PLAGL1: variants seen among roughly 807,000 people sequenced by gnomAD.
The protein encoded by PLAGL1 is PLAG1 like zinc finger 1, also known as zinc finger protein PLAGL1.
PLAGL1 carries 1 observed loss-of-function variant against 4.6 expected under a neutral mutation model. That is an observed-to-expected ratio of 0.22 (90% CI 0.08 to 1.03). The LOEUF (loss-of-function observed/expected upper bound fraction) is 1.03. Ranked by LOEUF, PLAGL1 falls within the 50% of genes least tolerant of loss-of-function variation. The probability of loss-of-function intolerance (pLI) is 0.58; values close to 1 mark genes in which losing one functional copy is unlikely to be tolerated. For synonymous variants in PLAGL1, 240 were observed against 237.8 expected (o/e 1.01, Z -0.08); for missense variants, 464 against 570.4 (o/e 0.81, Z 1.90).
rs899572810 is a variant in PLAGL1 at position 143,994,144 on chromosome 6, C to G, written c.-583-8970G>C. Reference sequence around the variant, plus strand: ...CCTAATCAAGAAGCATTTTACTCTCCAGGTTTTGAAGGATTTCAAAATTGT... The same window carrying G: ...CCTAATCAAGAAGCATTTTACTCTCGAGGTTTTGAAGGATTTCAAAATTGT... On this transcript the variant is annotated intron_variant, in intron 1 of 7. Coordinates refer to ENST00000674357, the MANE Select transcript of PLAGL1 (RefSeq NM_001317162.2). The surrounding 1 kb of genome is among the most constrained non-coding windows in gnomAD (Gnocchi z 4.3). Among the ~76,000 whole-genome samples the G allele has an allele frequency of 6.6e-6, 1 of 152,110 alleles. No individual in the cohort carries two copies. Among genetic ancestry groups the G allele is most frequent in the Non-Finnish European group, 1.5e-5 (1 of 68,022 alleles).
At chr6:144,058,031 T>C (rs1172934058) in intron 1 of PLAGL1, among the ~76,000 whole-genome samples, 1 of 152,246 alleles carries the variant, frequency 6.6e-6, no homozygotes, top group East Asian at 1.9e-4. Flanking sequence ...TCATTTGTGC[T>C]AGGCCATCTT....
upstream of PLAGL1, among the ~76,000 whole-genome samples, chr6:144,013,051 CCCAAGGGTTG>C: frequency 6.6e-6 from 1 of 152,172 alleles, no homozygotes; most frequent in East Asian, 1.9e-4. This position sits in a 1 kb window ranked among gnomAD's most constrained non-coding sequence, Gnocchi z 4.4. Context: ...TCAAACTGGA[CCCAAGGGTTG>C]CCAGCGTGGT....
In PLAGL1 at chr6:144,025,610, A is replaced by C. The variant is rs556437033; in HGVS notation, c.-151+38858T>G. On this transcript the variant is annotated intron_variant, in intron 1 of 3. Transcript: ENST00000437412. Reference sequence around the variant, plus strand: ...TATATTTTTAAAAAACACCTACTGGACGGGCACAGTGGCTCACACCTGTAA... The same window carrying C: ...TATATTTTTAAAAAACACCTACTGGCCGGGCACAGTGGCTCACACCTGTAA... 2.6e-5 allele frequency among the ~76,000 whole-genome samples: 4 copies of C among 152,216 alleles called. No individual in the cohort carries two copies. In the East Asian group the frequency reaches 7.7e-4, roughly 29 times the overall value.
At chr6:144,046,520 G>T (rs1366901745) in intron 1 of PLAGL1, among the ~76,000 whole-genome samples, 1 of 152,184 alleles carries the variant, frequency 6.6e-6, no homozygotes, top group Non-Finnish European at 1.5e-5. Context: ...AGCAGAGGCT[G>T]CAGAAGAGCA....
At chr6:143,987,202 TTTTATTTATTTA>T (rs552351803) in intron 1 of PLAGL1, among the ~76,000 whole-genome samples, 1 of 151,966 alleles carries the variant, frequency 6.6e-6, no homozygotes, top group Non-Finnish European at 1.5e-5. Context: ...TACTCAAGGC[TTTTATTTATTTA>T]TTTATTTATT....
At chr6:144,028,306 G>A (rs1004357058) in intron 1 of PLAGL1, among the ~76,000 whole-genome samples, 11 of 152,068 alleles carry the variant, frequency 7.2e-5, no homozygotes, top group Non-Finnish European at 1.5e-5. Context: ...CTATGAAAAT[G>A]TTCTATCTTA....
intron 1 of PLAGL1, among the ~76,000 whole-genome samples, chr6:144,017,464 TGACA>T (rs1171028061): frequency 6.6e-6 from 1 of 152,228 alleles, no homozygotes; most frequent in Non-Finnish European, 1.5e-5. Context: ...TTCAACTGAC[TGACA>T]TTTAGTCAAC....
Position 143,947,515 on chromosome 6 carries a change from G to A in PLAGL1, c.152+470C>T, listed in dbSNP as rs2076682. ...CTTTTAGCCTCATCTGCTCCTCCTC[G>A]GATAGTACCCTCTGCACATGGGTGC... On this transcript the variant is annotated intron_variant, in intron 7 of 7. Transcript: ENST00000674357. This position sits in a 1 kb window ranked among gnomAD's most constrained non-coding sequence, Gnocchi z 4.3. Among the ~76,000 whole-genome samples the A allele has an allele frequency of 0.11, 17,153 of 152,150 alleles. 1,507 individuals are homozygous for A. Among genetic ancestry groups the A allele is most frequent in the East Asian group, 0.45 (2,338 of 5,168 alleles).
chr6:143,940,541 A>AACTT lies in PLAGL1; in HGVS notation c.*879_*882dup. On this transcript the variant is annotated 3_prime_UTR_variant, in exon 8 of 8. Coordinates refer to ENST00000674357, the MANE Select transcript of PLAGL1 (RefSeq NM_001317162.2). Reference sequence around the variant, plus strand: ...TTGGTGATTACAAACAATACTTAAGAACTTAAGCAGCTTGAGTAGTAGTTT... The same window carrying AACTT: ...TTGGTGATTACAAACAATACTTAAGAACTTACTTAAGCAGCTTGAGTAGTAGTTT... 1 of 152,544 alleles carries AACTT rather than the reference A, an allele frequency of 6.6e-6. No homozygotes were observed. The highest frequency in any genetic ancestry group is 1.9e-4 in the East Asian group (1 of 5,192). 9.4% of individuals were successfully genotyped at this position (152,544 alleles called of 1,614,324 possible).
chr6:144,053,281 T>G lies in PLAGL1; in HGVS notation c.-151+11187A>C, dbSNP rs2128726101. Among the ~76,000 whole-genome samples the G allele has an allele frequency of 2.6e-5, 4 of 152,250 alleles. No homozygotes were observed. In the South Asian group the frequency reaches 8.3e-4, roughly 32 times the overall value. The stretch of plus-strand genomic sequence containing the variant: ...TCCTGAGTACCTGGGATTACAGGCA[T>G]GCACCATCATGCCGAGCTAATTTTT... On this transcript the variant is annotated intron_variant, in intron 1 of 3. Transcript: ENST00000437412. The surrounding 1 kb of genome is among the most constrained non-coding windows in gnomAD (Gnocchi z 4.0).
At position 144,005,309 on chromosome 6, in the gene PLAGL1, C is replaced by T. The variant is rs781509918; in HGVS notation, c.-584+2781G>A. Reference sequence around the variant, plus strand: ...AAAATCTTAAATTCTTAGAACTGAACAATATACTACATAGAAAGCAGCAGT... The same window carrying T: ...AAAATCTTAAATTCTTAGAACTGAATAATATACTACATAGAAAGCAGCAGT... On this transcript the variant is annotated intron_variant, in intron 1 of 7. Transcript: ENST00000674357. The surrounding 1 kb of genome is among the most constrained non-coding windows in gnomAD (Gnocchi z 4.6). 1.3e-5 allele frequency: 2 copies of T among 152,070 alleles called. No homozygotes were observed. Among genetic ancestry groups the T allele is most frequent in the Non-Finnish European group, 2.9e-5 (2 of 67,974 alleles). The allele number at this position is 152,070 out of a possible 1,614,324, so 9.4% of individuals were successfully genotyped here. A position where few individuals can be genotyped will look rare whatever the true frequency, so the allele number is the denominator to read the frequency against.
chr6:144,029,235 G>A (rs1251071239), intron 1 of PLAGL1, among the ~76,000 whole-genome samples: 1 of 151,936 alleles, frequency 6.6e-6, no homozygotes, highest in East Asian at 1.9e-4. Context: ...CATCTCCTGT[G>A]GTAAGGAAGG....
At chr6:144,052,399 G>T (rs1341464653) in intron 1 of PLAGL1, among the ~76,000 whole-genome samples, 2 of 152,218 alleles carry the variant, frequency 1.3e-5, no homozygotes, top group Non-Finnish European at 1.5e-5. Context: ...AATTTAAAAT[G>T]TGGATACTTA....
rs1794259285 is a variant in PLAGL1 at position 144,006,647 on chromosome 6, C to G, written c.-584+1443G>C. ...CAAAAATACTTCATTGGCCACTGTACAGTGTGCCCTTTTTATGAGTGGTGT... is the reference window on the plus strand; with the variant it reads ...CAAAAATACTTCATTGGCCACTGTAGAGTGTGCCCTTTTTATGAGTGGTGT... On this transcript the variant is annotated intron_variant, in intron 1 of 7. Coordinates refer to ENST00000674357, the MANE Select transcript of PLAGL1 (RefSeq NM_001317162.2). This position sits in a 1 kb window ranked among gnomAD's most constrained non-coding sequence, Gnocchi z 4.3. The G allele has an allele frequency of 6.6e-6, 1 of 152,004 alleles. No homozygotes were observed. Among genetic ancestry groups the G allele is most frequent in the South Asian group, 2.1e-4 (1 of 4,824 alleles). 9.4% of individuals were successfully genotyped at this position (152,004 alleles called of 1,614,324 possible).
chr6:143,986,975 C>G (rs1450255370), intron 1 of PLAGL1, among the ~76,000 whole-genome samples: 1 of 152,128 alleles, frequency 6.6e-6, no homozygotes, highest in Non-Finnish European at 1.5e-5. Context: ...GGAAATGGAG[C>G]TCTGAAGTTC....
At position 143,966,843 on chromosome 6, in the gene PLAGL1, T is replaced by C. The variant is rs1784517729; in HGVS notation, c.-471-645A>G. On this transcript the variant is annotated intron_variant, in intron 3 of 7. Coordinates refer to ENST00000674357, the MANE Select transcript of PLAGL1 (RefSeq NM_001317162.2). This position sits in a 1 kb window ranked among gnomAD's most constrained non-coding sequence, Gnocchi z 6.0. ...CCTTCATCCCCCACTGCTTTCATTT[T>C]AATTTTTTGTTTGTTCATGGAGGGA... The C allele has an allele frequency of 6.6e-6, 1 of 152,244 alleles. No individual in the cohort carries two copies. The highest frequency in any genetic ancestry group is 2.1e-4 in the South Asian group (1 of 4,834). 9.4% of individuals were successfully genotyped at this position (152,244 alleles called of 1,614,324 possible).
rs1799439716 is a variant in PLAGL1 at position 144,061,929 on chromosome 6, T to C, written c.-151+2539A>G. Among the ~76,000 whole-genome samples the C allele has an allele frequency of 6.6e-6, 1 of 152,236 alleles. No individual in the cohort carries two copies. ...TTGAAAGTGCATGCAATTAAAACAA[T>C]GTATCAATTATATTTACTATGAATG... is the stretch of plus-strand genomic sequence containing the variant. On this transcript the variant is annotated intron_variant, in intron 1 of 3. Coordinates refer to the PLAGL1 transcript ENST00000437412. This position sits in a 1 kb window ranked among gnomAD's most constrained non-coding sequence, Gnocchi z 4.4.
chr6:144,017,643 C>T lies in PLAGL1; in HGVS notation c.-151+46825G>A, dbSNP rs117552291. ...GCCCCATCATCCTGGGCCAATTAGA[C>T]AACCATGTGGGTGATTTATTCAATA... On this transcript the variant is annotated intron_variant, in intron 1 of 3. Transcript: ENST00000437412. Among the ~76,000 whole-genome samples, 32 of 152,332 alleles carry T rather than the reference C, an allele frequency of 2.1e-4. No individual in the cohort carries two copies. The East Asian group carries it at 6.0e-3, about 28-fold the overall frequency.
upstream of PLAGL1, among the ~76,000 whole-genome samples, chr6:144,009,571 T>G (rs974588417): frequency 1.3e-5 from 2 of 152,158 alleles, no homozygotes; most frequent in Admixed American, 6.6e-5. Flanking sequence ...AACGGGCAGG[T>G]TTGTTACATA....
Sources: gnomAD v4.1 joint callset for allele counts (sites outside exome capture counted in the v4.1 genomes callset) on GRCh38, gnomAD v4.1.1 for gene constraint, Gnocchi (gnomAD v3.1) non-coding constraint, MANE v1.5 for transcripts, NCBI Gene and HGNC (gene_info 2026-07-23, HGNC 2026-07-21) for gene names.